Variants in SLC49A4 observed in about 807,000 individuals in gnomAD.
The protein encoded by SLC49A4 is solute carrier family 49 member 4, also known as disrupted in renal cancer protein 2.
A neutral mutation model predicts 50.6 loss-of-function variants in SLC49A4; 36 were observed. The ratio of observed to expected loss-of-function variants is 0.71; its 90% CI spans 0.55 to 0.94. The LOEUF is 0.94. Among genes scored for constraint, SLC49A4 ranks in the 40% least tolerant of loss-of-function variants. The pLI is 0.00. For missense variants in SLC49A4, 503 were observed against 605.7 expected (o/e 0.83, Z 1.78); for synonymous variants, 248 against 241.2 (o/e 1.03, Z -0.26).
chr3:122,864,620 G>T (rs974880691), intron 7 of SLC49A4, among the ~76,000 whole-genome samples: 9 of 152,152 alleles, frequency 5.9e-5, no homozygotes, highest in African/African-American at 2.2e-4. Flanking sequence ...GGGGAGTAAG[G>T]AAGGACAACT....
chr3:122,875,328 T>G (rs1368552103), intron 8 of SLC49A4, among the ~76,000 whole-genome samples: 1 of 152,150 alleles, frequency 6.6e-6, no homozygotes, highest in African/African-American at 2.4e-5. Flanking sequence ...ATTCAACTAT[T>G]AGTTATGTGA....
At chr3:122,804,149 C>T (rs918105809) in intron 1 of SLC49A4, among the ~76,000 whole-genome samples, 5 of 152,156 alleles carry the variant, frequency 3.3e-5, no homozygotes, top group Admixed American at 2.0e-4. Flanking sequence ...CCACAGGAAG[C>T]TTACAATCAT....
chr3:122,880,959 G>A lies in SLC49A4; in HGVS notation c.*1581G>A, dbSNP rs1029056580. 7.2e-5 allele frequency: 11 copies of A among 152,244 alleles called. No individual in the cohort carries two copies. The highest frequency in any genetic ancestry group is 1.9e-4 in the East Asian group (1 of 5,180). 9.4% of individuals were successfully genotyped at this position (152,244 alleles called of 1,614,324 possible). ...TGTGAAACTAGGGAAGTAAGAAACC[G>A]TTCAAATTTAACATCTGTCTTCAGT... On this transcript the variant is annotated 3_prime_UTR_variant, in exon 9 of 9. Transcript: ENST00000261038.
At chr3:122,858,670 C>T (rs1937020553) in intron 6 of SLC49A4, among the ~76,000 whole-genome samples, 1 of 152,022 alleles carries the variant, frequency 6.6e-6, no homozygotes, top group East Asian at 1.9e-4. Context: ...GAAGGACAGT[C>T]ACATAATTAC....
At chr3:122,852,083 C>T (rs973100630) in intron 5 of SLC49A4, among the ~76,000 whole-genome samples, 3 of 148,768 alleles carry the variant, frequency 2.0e-5, no homozygotes, top group Non-Finnish European at 4.4e-5. Flanking sequence ...CCTCTGCCTT[C>T]TGGGTTCAAG....
chr3:122,847,715 G>C (rs938154650), intron 5 of SLC49A4, among the ~76,000 whole-genome samples: 16 of 151,830 alleles, frequency 1.1e-4, no homozygotes, highest in Admixed American at 8.5e-4. Flanking sequence ...TATTTGGCTG[G>C]GTGTGGTGGT....
At chr3:122,872,631 T>C (rs2107584356) in intron 8 of SLC49A4, 34 bp downstream of exon 8, 5 of 1,488,488 alleles carry the variant, frequency 3.4e-6, no homozygotes, top group East Asian at 2.3e-5. Flanking sequence ...ACTATCTAAA[T>C]GTGTTACAAG....
intron 7 of SLC49A4, 132 bp from the exon 8 acceptor site, chr3:122,872,283 A>C: frequency 2.6e-6 from 2 of 771,564 alleles, no homozygotes; most frequent in Non-Finnish European, 4.1e-6. Flanking sequence ...ATGCTTTGTC[A>C]AACTTTATCA....
intron 3 of SLC49A4, among the ~76,000 whole-genome samples, chr3:122,830,842 C>T (rs1453008320): frequency 6.6e-6 from 1 of 152,148 alleles, no homozygotes; most frequent in African/African-American, 2.4e-5. Context: ...GTGAAAAAGA[C>T]AGTCCACAGA....
At chr3:122,829,249 AT>A (rs1332419970) in intron 3 of SLC49A4, among the ~76,000 whole-genome samples, 4 of 152,230 alleles carry the variant, frequency 2.6e-5, no homozygotes, top group Non-Finnish European at 5.9e-5. Context: ...ACTAAATGGG[AT>A]TTATTCCAGC....
intron 2 of SLC49A4, among the ~76,000 whole-genome samples, chr3:122,822,523 A>G (rs925862437): frequency 5.3e-5 from 8 of 152,192 alleles, no homozygotes; most frequent in Admixed American, 4.6e-4. Flanking sequence ...ACTCCACTGA[A>G]ACTGCTTCTA....
chr3:122,801,379 T>G (rs1312307796), intron 1 of SLC49A4, among the ~76,000 whole-genome samples: 1 of 151,968 alleles, frequency 6.6e-6, no homozygotes, highest in East Asian at 1.9e-4. Flanking sequence ...TCACCTGAGG[T>G]CAGGAATTCA....
intron 4 of SLC49A4, among the ~76,000 whole-genome samples, chr3:122,838,252 CAA>C (rs1341491430): frequency 6.6e-6 from 1 of 152,004 alleles, no homozygotes; most frequent in Non-Finnish European, 1.5e-5. Flanking sequence ...TAAAGACATG[CAA>C]ACGTATGTTT....
At position 122,826,984 on chromosome 3, in the gene SLC49A4, C is replaced by G. The variant is rs1417397236; in HGVS notation, c.622C>G (p.Pro208Ala). Reference protein sequence around the residue: ...FLVGPLVVPAPNGTSPLLAAE... With the variant: ...FLVGPLVVPAANGTSPLLAAE... ...AGTTGGACCACTTGTTGTTCCAGCT[C>G]CCAATGGGACATCACCTCTTCTTGC... The change falls in exon 3 of 9, where the codon CCC becomes GCC. Residue 208 changes from proline to alanine, a missense_variant. Transcript: ENST00000261038. 1 of 1,614,202 alleles carries G rather than the reference C, an allele frequency of 6.2e-7. No homozygotes were observed. The highest frequency in any genetic ancestry group is 1.7e-5 in the Admixed American group (1 of 60,014).
chr3:122,875,049 T>C (rs1186890623), intron 8 of SLC49A4, among the ~76,000 whole-genome samples: 1 of 152,234 alleles, frequency 6.6e-6, no homozygotes, highest in Non-Finnish European at 1.5e-5. Flanking sequence ...ATGTTGAAAC[T>C]CTTTTTAGTA....
chr3:122,852,040 C>G (rs1174822880), intron 5 of SLC49A4, among the ~76,000 whole-genome samples: 1 of 145,138 alleles, frequency 6.9e-6, no homozygotes, highest in Non-Finnish European at 1.5e-5. Context: ...GTCACCCAGG[C>G]TAGAGTGCAG....
intron 4 of SLC49A4, among the ~76,000 whole-genome samples, chr3:122,845,230 T>A (rs931640567): frequency 6.6e-6 from 1 of 152,160 alleles, no homozygotes; most frequent in Non-Finnish European, 1.5e-5. Context: ...GCTTTTCTGT[T>A]CCTGTGTTAG....
chr3:122,801,694 G>A (rs141595551), intron 1 of SLC49A4, among the ~76,000 whole-genome samples: 1 of 152,300 alleles, frequency 6.6e-6, no homozygotes, highest in East Asian at 1.9e-4. Flanking sequence ...GGAAAAGAGC[G>A]TACCTCAGAC....
At chr3:122,834,222 T>C (rs946251617) in intron 4 of SLC49A4, among the ~76,000 whole-genome samples, 1 of 152,224 alleles carries the variant, frequency 6.6e-6, no homozygotes, top group Non-Finnish European at 1.5e-5. Flanking sequence ...GTAAGTTTCT[T>C]GTGGTCAAGA....
Sources: gnomAD v4.1 joint callset for allele counts (sites outside exome capture counted in the v4.1 genomes callset) on GRCh38, gnomAD v4.1.1 for gene constraint, MANE v1.5 for transcripts, NCBI Gene and HGNC (gene_info 2026-07-23, HGNC 2026-07-21) for gene names.